The following WNK2 variants were observed in gnomAD, a reference collection of about 807,000 sequenced individuals.
WNK2 encodes serine/threonine-protein kinase WNK2.
Under a neutral mutation model 192.1 loss-of-function variants are expected in WNK2, and 67 were observed. The ratio of observed to expected loss-of-function variants is 0.35; its 90% CI spans 0.29 to 0.43. The LOEUF is 0.43. WNK2 is among the 20% of genes least tolerant of loss of function. The pLI, the probability that WNK2 is intolerant of heterozygous loss-of-function variation, is 1.00. For synonymous variants in WNK2, 1,439 were observed against 1,393.9 expected, an observed-to-expected ratio of 1.03 and a Z score of -0.72; for missense variants, 2,698 against 3,089.7, an observed-to-expected ratio of 0.87 and a Z score of 3.01.
chr9:93,188,177 C>G (rs1829690318), intron 2 of WNK2, among the ~76,000 whole-genome samples: 1 of 152,182 alleles, frequency 6.6e-6, no homozygotes, highest in African/African-American at 2.4e-5. Context: ...TTCCCCTACT[C>G]CCGCAGCACC....
In WNK2 at chr9:93,310,767, GT is replaced by G. The variant is rs1291239906; in HGVS notation, c.6516+2187del. 2.6e-5 allele frequency among the ~76,000 whole-genome samples: 4 copies of G among 152,162 alleles called. No individual in the cohort carries two copies. The East Asian group carries it at 7.7e-4, about 29-fold the overall frequency. ...AATGGTTTATTTCATTTGATACAAT[GT>G]TTTCAAGGTGCATCCATGTTGTAGT... On this transcript the variant is annotated intron_variant, in intron 28 of 29. Coordinates refer to ENST00000427277, the MANE Select transcript of WNK2 (RefSeq NM_006648.4).
At chr9:93,236,529 T>A (rs1009721325) in intron 5 of WNK2, among the ~76,000 whole-genome samples, 1 of 152,234 alleles carries the variant, frequency 6.6e-6, no homozygotes, top group African/African-American at 2.4e-5. Flanking sequence ...TAAAATTTTT[T>A]AAAATTAGTT....
intron 14 of WNK2, 57 bp downstream of exon 14, chr9:93,262,776 G>C: frequency 6.4e-7 from 1 of 1,573,374 alleles, no homozygotes; most frequent in Non-Finnish European, 8.7e-7. Context: ...GGCCTGTACA[G>C]CCACTCAGCC....
intron 9 of WNK2, among the ~76,000 whole-genome samples, chr9:93,255,884 G>T (rs896848934): frequency 6.6e-6 from 1 of 152,210 alleles, no homozygotes; most frequent in Admixed American, 6.5e-5. Flanking sequence ...CCGCTGGAGT[G>T]CTCACATGCT....
At chr9:93,213,556 G>A (rs750978991) in intron 2 of WNK2, among the ~76,000 whole-genome samples, 1 of 152,188 alleles carries the variant, frequency 6.6e-6, no homozygotes, top group Non-Finnish European at 1.5e-5. Flanking sequence ...TTGGGAAGCC[G>A]AGACTGGTGG....
chr9:93,288,227 C>T (rs1405259529), intron 19 of WNK2, among the ~76,000 whole-genome samples: 2 of 152,188 alleles, frequency 1.3e-5, no homozygotes, highest in Admixed American at 6.5e-5. Context: ...TTCTGGATTC[C>T]TCCCACAGGG....
In WNK2 at chr9:93,258,934, C is replaced by A. The variant is rs772021798; in HGVS notation, c.2386C>A (p.Pro796Thr). 13 of 1,609,902 alleles carry A rather than the reference C, an allele frequency of 8.1e-6. No homozygotes were observed. The highest frequency in any genetic ancestry group is 1.3e-5 in the African/African-American group (1 of 74,886). Residue 796 changes from proline (P) to threonine (T), a missense_variant, in exon 12 of 30, where the codon CCC (proline) becomes ACC (threonine). Pro to Thr is a conservative substitution (Grantham distance 38). Transcript: ENST00000427277. ...CACACTCCTGTGTCTCTTTCAGATGCCCCCGATTCCTGTTGTGCCCCCCAT... is the reference window on the plus strand; with the variant it reads ...CACACTCCTGTGTCTCTTTCAGATGACCCCGATTCCTGTTGTGCCCCCCAT... Reference protein sequence around the residue: ...QPLAQVPPQMPPIPVVPPITP... With the variant: ...QPLAQVPPQMTPIPVVPPITP...
At chr9:93,211,098 T>C (rs1443721135) in intron 2 of WNK2, among the ~76,000 whole-genome samples, 2 of 152,134 alleles carry the variant, frequency 1.3e-5, no homozygotes, top group East Asian at 1.9e-4. Context: ...ACTCATTCAC[T>C]CACTCATCCA....
chr9:93,201,258 CTG>C (rs1342607605), intron 2 of WNK2, among the ~76,000 whole-genome samples: 1 of 152,346 alleles, frequency 6.6e-6, no homozygotes. Flanking sequence ...TCTGTGGACA[CTG>C]GGGCTGTCTG....
intron 23 of WNK2, among the ~76,000 whole-genome samples, chr9:93,294,883 TG>T (rs1032344943): frequency 1.3e-5 from 2 of 151,852 alleles, no homozygotes; most frequent in Non-Finnish European, 2.9e-5. Context: ...GAGGGAAGTG[TG>T]GGGACCTTTT....
intron 28 of WNK2, among the ~76,000 whole-genome samples, chr9:93,313,470 G>A (rs954862710): frequency 6.8e-6 from 1 of 146,614 alleles, no homozygotes; most frequent in Non-Finnish European, 1.5e-5. Context: ...ATATTTTTTA[G>A]TTTTTGTTTG....
chr9:93,240,554 G>A (rs1840593186), intron 7 of WNK2, among the ~76,000 whole-genome samples: 1 of 152,124 alleles, frequency 6.6e-6, no homozygotes, highest in Non-Finnish European at 1.5e-5. Flanking sequence ...GTGCTGGGGT[G>A]TCATCGAGGC....
chr9:93,233,197 CAAA>C (rs11298656), intron 4 of WNK2, among the ~76,000 whole-genome samples: 1,942 of 99,018 alleles, frequency 0.02, 37 homozygotes, highest in African/African-American at 0.065. Context: ...GATCCAGTCT[CAAA>C]AAAAAAAAAA....
intron 2 of WNK2, among the ~76,000 whole-genome samples, chr9:93,190,190 C>T (rs1008534438): frequency 2.2e-4 from 33 of 152,162 alleles, no homozygotes; most frequent in African/African-American, 7.5e-4. Context: ...CCTGTGCAGA[C>T]GGACTTTCCC....
chr9:93,184,897 T>G (rs1829009021), intron 1 of WNK2, 31 bp from the exon 2 acceptor site: 1 of 1,185,394 alleles, frequency 8.4e-7, no homozygotes, highest in Non-Finnish European at 1.0e-6. Flanking sequence ...GGGCCGGCGC[T>G]CACGCGGGCC....
At position 93,259,625 on chromosome 9, in the gene WNK2, G is replaced by T; in HGVS notation, c.3066+11G>T. ...ACACCAGGGAGCCAGGTAATCACCT[G>T]CTGGGCAGGGGCTCACCCTCCCAGC... is the stretch of plus-strand genomic sequence containing the variant. On this transcript the variant is annotated intron_variant, in intron 12 of 29. Coordinates refer to ENST00000427277, the MANE Select transcript of WNK2 (RefSeq NM_006648.4). This position sits in a 1 kb window ranked among gnomAD's most constrained non-coding sequence, Gnocchi z 4.8. 6.4e-7 allele frequency: 1 copy of T among 1,557,192 alleles called. No individual in the cohort carries two copies. The highest frequency in any genetic ancestry group is 8.6e-7 in the Non-Finnish European group (1 of 1,160,962).
At chr9:93,280,956 T>C (rs1391587776) in intron 19 of WNK2, among the ~76,000 whole-genome samples, 1 of 152,218 alleles carries the variant, frequency 6.6e-6, no homozygotes, top group African/African-American at 2.4e-5. Flanking sequence ...ATAATTATGC[T>C]GAATGAAAAG....
chr9:93,216,401 T>G lies in WNK2; in HGVS notation c.682-13295T>G, dbSNP rs112393769. On this transcript the variant is annotated intron_variant, in intron 2 of 29. Transcript: ENST00000427277. The stretch of plus-strand genomic sequence containing the variant: ...TAGGTCACATCTGTAGTCCCAGCAT[T>G]TTCGGAGGCTGAGGTGGGTGGATCG... 6.6e-4 allele frequency among the ~76,000 whole-genome samples: 101 copies of G among 152,180 alleles called. 1 individual carries two copies. Among genetic ancestry groups the G allele is most frequent in the African/African-American group, 2.2e-3 (90 of 41,504 alleles).
At chr9:93,320,290 GGT>G in intron 29 of WNK2, 75 bp from the exon 30 acceptor site, 1 of 1,359,248 alleles carries the variant, frequency 7.4e-7, no homozygotes, top group East Asian at 4.6e-5. Flanking sequence ...CTCCTGGGAG[GGT>G]GTCAGGGCCT....
Sources: gnomAD v4.1 joint callset for allele counts (sites outside exome capture counted in the v4.1 genomes callset) on GRCh38, gnomAD v4.1.1 for gene constraint, Gnocchi (gnomAD v3.1) non-coding constraint, MANE v1.5 for transcripts, NCBI Gene and HGNC (gene_info 2026-07-23, HGNC 2026-07-21) for gene names.